VAV1: variants seen among roughly 807,000 people sequenced by gnomAD.
VAV1 encodes the protein proto-oncogene vav.
In VAV1, 33 loss-of-function variants were observed where a neutral mutation model predicts 128.1. The ratio of observed to expected loss-of-function variants is 0.26; its 90% CI spans 0.20 to 0.34. The LOEUF (loss-of-function observed/expected upper bound fraction) is 0.34, where lower values mean the gene tolerates loss of function less well. Among genes scored for constraint, VAV1 ranks in the 10% least tolerant of loss-of-function variants. The pLI, the probability that VAV1 is intolerant of heterozygous loss-of-function variation, is 1.00. For synonymous variants in VAV1, 394 were observed against 409.8 expected (o/e 0.96, Z 0.47); for missense variants, 715 against 1,093.7 (o/e 0.65, Z 4.88).
rs142210698 is a variant in VAV1 at position 6,838,996 on chromosome 19, G to A, written c.1980+1946G>A. On this transcript the variant is annotated intron_variant, in intron 21 of 26. Transcript: ENST00000602142. ...CGGCTCATTGCAACCTCCGCCTTCC[G>A]GTTTCAAGCGATTCTCCTGCCTTAG... Among the ~76,000 whole-genome samples, 636 of 152,056 alleles carry A rather than the reference G, an allele frequency of 4.2e-3. 7 individuals carry two copies. The highest frequency in any genetic ancestry group is 0.014 in the African/African-American group (591 of 41,458).
chr19:6,840,303 C>CTT (rs34882027), intron 21 of VAV1, among the ~76,000 whole-genome samples: 5 of 124,136 alleles, frequency 4.0e-5, no homozygotes, highest in Admixed American at 8.3e-5. Context: ...AATTTTCTTT[C>CTT]TTTTTTTTTT....
chr19:6,824,460 C>CTTGTGTG lies in VAV1; in HGVS notation c.655-593_655-592insTTGTGTG, dbSNP rs1971867187. Among the ~76,000 whole-genome samples, 16 of 152,288 alleles carry CTTGTGTG rather than the reference C, an allele frequency of 1.1e-4. No individual in the cohort carries two copies. The South Asian group carries it at 3.3e-3, about 32-fold the overall frequency. On this transcript the variant is annotated intron_variant, in intron 6 of 26. Coordinates refer to ENST00000602142, the MANE Select transcript of VAV1 (RefSeq NM_005428.4). ...GAGCGTAGTGTTTTCAAGGTTCATC[C>CTTGTGTG]ACATTGTAGCCTGTGTCAGAGCTTC... is the stretch of plus-strand genomic sequence containing the variant.
At chr19:6,785,237 T>C (rs755139300) in intron 1 of VAV1, among the ~76,000 whole-genome samples, 30 of 152,058 alleles carry the variant, frequency 2.0e-4, no homozygotes, top group Non-Finnish European at 3.7e-4. Context: ...AGTGGTGTTA[T>C]CATAGCTCAC....
At chr19:6,792,203 G>C (rs1971033215) in intron 1 of VAV1, among the ~76,000 whole-genome samples, 1 of 152,042 alleles carries the variant, frequency 6.6e-6, no homozygotes, top group African/African-American at 2.4e-5. Context: ...AACAAAAAAA[G>C]AAGAGAGATC....
At position 6,824,967 on chromosome 19, in the gene VAV1, C is replaced by G. The variant is rs1017951714; in HGVS notation, c.655-86C>G. On this transcript the variant is annotated intron_variant, in intron 6 of 26. Transcript: ENST00000602142. The stretch of plus-strand genomic sequence containing the variant: ...ACGCGCTGCCTCTCTTTATCTCCCT[C>G]TCTCTGTCTCCTTCCCCTGTCTCTC... 3.6e-6 allele frequency: 5 copies of G among 1,392,248 alleles called. No homozygotes were observed. In the African/African-American group the frequency reaches 4.3e-5, roughly 12 times the overall value. 86.2% of individuals were successfully genotyped at this position (1,392,248 alleles called of 1,614,324 possible).
chr19:6,856,742 A>AG (rs1555707682), intron 26 of VAV1, among the ~76,000 whole-genome samples: 67 of 151,188 alleles, frequency 4.4e-4, no homozygotes, highest in African/African-American at 1.6e-3. Flanking sequence ...AAAAAAAAAA[A>AG]AAAAGAAAAG....
At chr19:6,837,927 ATGT>A (rs1568312811) in intron 21 of VAV1, among the ~76,000 whole-genome samples, 1 of 152,188 alleles carries the variant, frequency 6.6e-6, no homozygotes, top group Non-Finnish European at 1.5e-5. Context: ...CTGTATTTAA[ATGT>A]TGTCAATTTC....
chr19:6,825,502 G>C, intron 8 of VAV1, 96 bp downstream of exon 8: 2 of 1,089,116 alleles, frequency 1.8e-6, no homozygotes, highest in South Asian at 2.9e-5. Flanking sequence ...CACTGGACGG[G>C]GAGGACTTTT....
At chr19:6,794,542 G>T (rs776315915) in intron 1 of VAV1, among the ~76,000 whole-genome samples, 21 of 152,130 alleles carry the variant, frequency 1.4e-4, no homozygotes, top group Admixed American at 3.9e-4. Flanking sequence ...AACCAGATGG[G>T]TGTGGTGTCA....
At chr19:6,812,388 T>C (rs1377226777) in intron 1 of VAV1, among the ~76,000 whole-genome samples, 1 of 152,128 alleles carries the variant, frequency 6.6e-6, no homozygotes, top group Non-Finnish European at 1.5e-5. Flanking sequence ...GGTGCAGTGG[T>C]TCACACCTGT....
chr19:6,842,688 T>C (rs1306388617), intron 21 of VAV1, among the ~76,000 whole-genome samples: 1 of 151,834 alleles, frequency 6.6e-6, no homozygotes, highest in African/African-American at 2.4e-5. Flanking sequence ...AATTAAAAAT[T>C]AGCGGGTGTG....
intron 25 of VAV1, 28 bp from the exon 26 acceptor site, chr19:6,853,919 T>A (rs568711072): frequency 1.2e-6 from 2 of 1,600,680 alleles, no homozygotes; most frequent in Non-Finnish European, 1.7e-6. Context: ...CCCCAGACCC[T>A]TTTCTCACTT....
intron 1 of VAV1, among the ~76,000 whole-genome samples, chr19:6,800,611 C>A (rs1021870955): frequency 6.6e-6 from 1 of 150,532 alleles, no homozygotes; most frequent in Non-Finnish European, 1.5e-5. Flanking sequence ...CACCCAGCTT[C>A]TTTTTTTTGT....
chr19:6,833,873 A>G (rs1414208302), intron 18 of VAV1, 35 bp from the exon 19 acceptor site: 3 of 1,614,106 alleles, frequency 1.9e-6, no homozygotes, highest in Non-Finnish European at 2.5e-6. Flanking sequence ...CAGGCTGGGC[A>G]TAGGTAGACA....
intron 2 of VAV1, 106 bp from the exon 3 acceptor site, chr19:6,821,516 A>G: frequency 7.4e-7 from 1 of 1,360,164 alleles, no homozygotes; most frequent in Admixed American, 1.7e-5. Flanking sequence ...TTAGGCTTCC[A>G]AGAGGCATGG....
At chr19:6,852,819 C>T in intron 24 of VAV1, 146 bp from the exon 25 acceptor site, 2 of 571,060 alleles carry the variant, frequency 3.5e-6, no homozygotes, top group South Asian at 4.0e-5. Flanking sequence ...AACTCCCCAT[C>T]ATGGGGAGTA....
At chr19:6,853,452 G>A (rs979968153) in intron 25 of VAV1, among the ~76,000 whole-genome samples, 8 of 151,814 alleles carry the variant, frequency 5.3e-5, no homozygotes, top group African/African-American at 9.7e-5. Context: ...GGCTGGGTGC[G>A]GTGGCTCATG....
At chr19:6,840,262 C>G (rs998076623) in intron 21 of VAV1, among the ~76,000 whole-genome samples, 5 of 151,192 alleles carry the variant, frequency 3.3e-5, no homozygotes, top group Non-Finnish European at 5.9e-5. Flanking sequence ...ATAATGTATT[C>G]AAGGCTCATC....
chr19:6,779,152 A>G (rs1033404696), intron 1 of VAV1, among the ~76,000 whole-genome samples: 1 of 150,580 alleles, frequency 6.6e-6, no homozygotes, highest in Non-Finnish European at 1.5e-5. Context: ...CCTGTGCTCA[A>G]GCAGTCCTCC....
Sources: gnomAD v4.1 joint callset for allele counts (sites outside exome capture counted in the v4.1 genomes callset) on GRCh38, gnomAD v4.1.1 for gene constraint, MANE v1.5 for transcripts, NCBI Gene and HGNC (gene_info 2026-07-23, HGNC 2026-07-21) for gene names.